GTSE1: variants seen among roughly 807,000 people sequenced by gnomAD.
The protein encoded by GTSE1 is G2 and S phase-expressed protein 1.
In GTSE1, 52 loss-of-function variants were observed where a neutral mutation model predicts 60.5. That is an observed-to-expected ratio of 0.86 (90% CI 0.69 to 1.08). The LOEUF (loss-of-function observed/expected upper bound fraction) is 1.08. GTSE1 is among the 50% of genes least tolerant of loss of function. The pLI is 0.00. For synonymous variants in GTSE1, 368 were observed against 386.5 expected (o/e 0.95, Z 0.56); for missense variants, 937 against 961.8 (o/e 0.97, Z 0.34).
intron 8 of GTSE1, among the ~76,000 whole-genome samples, chr22:46,323,756 C>T (rs1328424190): frequency 1.3e-5 from 2 of 152,082 alleles, no homozygotes; most frequent in Non-Finnish European, 2.9e-5. Flanking sequence ...GGCACGATCT[C>T]GGCTCACTGC....
chr22:46,301,919 G>A (rs542119310), intron 2 of GTSE1, among the ~76,000 whole-genome samples: 3 of 152,152 alleles, frequency 2.0e-5, no homozygotes, highest in East Asian at 1.9e-4. Context: ...ACCTGAGATC[G>A]GGAGTTCCAG....
chr22:46,298,381 C>T (rs1241200811), intron 2 of GTSE1, among the ~76,000 whole-genome samples: 1 of 151,776 alleles, frequency 6.6e-6, no homozygotes, highest in Non-Finnish European at 1.5e-5. Flanking sequence ...GATCTTGGCT[C>T]ACTGCAACCT....
intron 7 of GTSE1, among the ~76,000 whole-genome samples, chr22:46,322,484 C>G (rs930641813): frequency 6.6e-6 from 1 of 152,154 alleles, no homozygotes; most frequent in African/African-American, 2.4e-5. Context: ...TGCTGATACT[C>G]AAGTGCACAC....
chr22:46,298,991 A>T (rs2077674035), intron 2 of GTSE1, among the ~76,000 whole-genome samples: 1 of 152,100 alleles, frequency 6.6e-6, no homozygotes, highest in Admixed American at 6.5e-5. Context: ...TCCGCCTCTC[A>T]ATCCCTCCCA....
At chr22:46,301,659 T>C (rs1181436903) in intron 2 of GTSE1, among the ~76,000 whole-genome samples, 26 of 151,914 alleles carry the variant, frequency 1.7e-4, no homozygotes, top group Admixed American at 1.7e-3. Context: ...GGCTAATTTT[T>C]TGTATTTTTA....
chr22:46,323,401 C>G (rs2077825593), intron 8 of GTSE1, 139 bp downstream of exon 8: 1 of 715,500 alleles, frequency 1.4e-6, no homozygotes, highest in Non-Finnish European at 2.5e-6. Context: ...AGGCCGAGCT[C>G]CTGATGTGTA....
chr22:46,308,817 G>T lies in GTSE1; in HGVS notation c.636G>T (p.Leu212Phe). ...GGCCTCCGCACTCTGCTCATGCTTTGCCCAGGGAATCATGCACTGCTCATG... is the reference window on the plus strand; with the variant it reads ...GGCCTCCGCACTCTGCTCATGCTTTTCCCAGGGAATCATGCACTGCTCATG... ...APGPPHSAHA[L>F]PRESCTAHAA... The change falls in exon 4 of 12, where the codon TTG becomes TTT. Residue 212 changes from leucine to phenylalanine, a missense_variant. By Grantham distance (22) the Leu-to-Phe change is conservative (BLOSUM62 0). Transcript: ENST00000454366. The T allele has an allele frequency of 1.2e-6, 2 of 1,613,302 alleles. No individual in the cohort carries two copies. Among genetic ancestry groups the T allele is most frequent in the Non-Finnish European group, 1.7e-6 (2 of 1,180,040 alleles).
chr22:46,315,323 C>T (rs754205195), intron 6 of GTSE1, among the ~76,000 whole-genome samples: 19 of 152,082 alleles, frequency 1.2e-4, no homozygotes, highest in Non-Finnish European at 7.4e-5. Flanking sequence ...TCCCAAAGTG[C>T]TAGGATTACA....
rs993775080 is a variant in GTSE1 at position 46,329,142 on chromosome 22, T to A, written c.1927-216T>A. On this transcript the variant is annotated intron_variant, in intron 10 of 11. Coordinates refer to ENST00000454366, the MANE Select transcript of GTSE1 (RefSeq NM_016426.7). This position sits in a 1 kb window ranked among gnomAD's most constrained non-coding sequence, Gnocchi z 6.4. ...AAGCGGGAAGCAGGGTGGCAGGAGCTGGTGGCTGCTGGTGAGCGGGTATGG... is the reference window on the plus strand; with the variant it reads ...AAGCGGGAAGCAGGGTGGCAGGAGCAGGTGGCTGCTGGTGAGCGGGTATGG... 4.8e-6 allele frequency: 3 copies of A among 628,962 alleles called. No homozygotes were observed. The African/African-American group carries it at 5.5e-5, about 12-fold the overall frequency. 39.0% of individuals were successfully genotyped at this position (628,962 alleles called of 1,614,324 possible). A position where few individuals can be genotyped will look rare whatever the true frequency, so the allele number is the denominator to read the frequency against.
chr22:46,308,901 G>T lies in GTSE1; in HGVS notation c.720G>T (p.Ala240=), dbSNP rs548602439. ...KPGTKLLLPR[A]ASVRGRSIPG... ...GGACCAAATTGCTGCTGCCTCGAGC[G>T]GCCTCTGTTAGAGGAAGAAGCATCC... Residue 240 remains alanine, a synonymous_variant, in exon 4 of 12, where the codon GCG becomes GCT. Transcript: ENST00000454366. 1 of 1,613,040 alleles carries T rather than the reference G, an allele frequency of 6.2e-7. No homozygotes were observed. The highest frequency in any genetic ancestry group is 8.5e-7 in the Non-Finnish European group (1 of 1,179,964).
rs1290605349 is a variant in GTSE1 at position 46,318,637 on chromosome 22, G to A, written c.1432+2225G>A. Among the ~76,000 whole-genome samples the A allele has an allele frequency of 6.6e-6, 1 of 152,114 alleles. No homozygotes were observed. Among genetic ancestry groups the A allele is most frequent in the Non-Finnish European group, 1.5e-5 (1 of 68,036 alleles). The stretch of plus-strand genomic sequence containing the variant: ...CTGAGATCTGAACCAGGAGACTGAG[G>A]CAGCCGGTAGGAAAGTGCAAGGGGG... On this transcript the variant is annotated intron_variant, in intron 7 of 11. Transcript: ENST00000454366. The surrounding 1 kb of genome is among the most constrained non-coding windows in gnomAD (Gnocchi z 4.8).
At chr22:46,300,930 G>A (rs1480507237) in intron 2 of GTSE1, among the ~76,000 whole-genome samples, 1 of 152,160 alleles carries the variant, frequency 6.6e-6, no homozygotes, top group Non-Finnish European at 1.5e-5. Context: ...CAGTCTCTTG[G>A]GTATCCTTCC....
At position 46,320,783 on chromosome 22, in the gene GTSE1, TG is replaced by T. The variant is rs1418573348; in HGVS notation, c.1433-2405del. Among the ~76,000 whole-genome samples the T allele has an allele frequency of 2.0e-5, 3 of 152,082 alleles. No individual in the cohort carries two copies. Among genetic ancestry groups the T allele is most frequent in the Non-Finnish European group, 2.9e-5 (2 of 68,008 alleles). ...GCCTCCCCGGTACTGGGAGCTGCAG[TG>T]GAGACGCGCCGTCCAGGTTTAGGGA... On this transcript the variant is annotated intron_variant, in intron 7 of 11. Coordinates refer to ENST00000454366, the MANE Select transcript of GTSE1 (RefSeq NM_016426.7). This position sits in a 1 kb window ranked among gnomAD's most constrained non-coding sequence, Gnocchi z 7.1.
At chr22:46,306,875 A>G (rs1171669268) in intron 2 of GTSE1, among the ~76,000 whole-genome samples, 1 of 152,210 alleles carries the variant, frequency 6.6e-6, no homozygotes, top group African/African-American at 2.4e-5. Context: ...GTGCATTTTG[A>G]TAAATATTTG....
In GTSE1 at chr22:46,308,631, A is replaced by G. The variant is rs527323907; in HGVS notation, c.450A>G (p.Lys150=). The change falls in exon 4 of 12, where the codon AAA becomes AAG. Residue 150 remains lysine, a synonymous_variant. Coordinates refer to ENST00000454366, the MANE Select transcript of GTSE1 (RefSeq NM_016426.7). ...ESKLKINLFE[K]EKEMKKSPTS... ...AATTAAAAATAAACCTCTTTGAGAA[A>G]GAAAAGGAAATGAAGAAAAGCCCCA... 18 of 1,614,070 alleles carry G rather than the reference A, an allele frequency of 1.1e-5. No individual in the cohort carries two copies. The East Asian group carries it at 3.1e-4, about 28-fold the overall frequency.
In GTSE1 at chr22:46,320,600, C is replaced by T. The variant is rs1395058152; in HGVS notation, c.1433-2590C>T. Reference sequence around the variant, plus strand: ...CAGCGTGGGACCACATGAACGGTGCCCTGTAGTGGAGGCTTTCATATGTGC... The same window carrying T: ...CAGCGTGGGACCACATGAACGGTGCTCTGTAGTGGAGGCTTTCATATGTGC... On this transcript the variant is annotated intron_variant, in intron 7 of 11. Transcript: ENST00000454366. The surrounding 1 kb of genome is among the most constrained non-coding windows in gnomAD (Gnocchi z 7.1). Among the ~76,000 whole-genome samples the T allele has an allele frequency of 6.6e-6, 1 of 152,190 alleles. No individual in the cohort carries two copies. The highest frequency in any genetic ancestry group is 1.5e-5 in the Non-Finnish European group (1 of 68,046).
In GTSE1 at chr22:46,321,812, C is replaced by T. The variant is rs1036103359; in HGVS notation, c.1433-1378C>T. On this transcript the variant is annotated intron_variant, in intron 7 of 11. Transcript: ENST00000454366. The surrounding 1 kb of genome is among the most constrained non-coding windows in gnomAD (Gnocchi z 4.0). Reference sequence around the variant, plus strand: ...TAGGAGAGGCTGGGGCAGTGGCTCACGCCTGTAATCCCAGCACTTTGGGAG... The same window carrying T: ...TAGGAGAGGCTGGGGCAGTGGCTCATGCCTGTAATCCCAGCACTTTGGGAG... Among the ~76,000 whole-genome samples, 2 of 152,132 alleles carry T rather than the reference C, an allele frequency of 1.3e-5. No homozygotes were observed. The highest frequency in any genetic ancestry group is 2.4e-5 in the African/African-American group (1 of 41,418).
rs1178765632 is a variant in GTSE1 at position 46,321,940 on chromosome 22, G to C, written c.1433-1250G>C. 6.6e-6 allele frequency among the ~76,000 whole-genome samples: 1 copy of C among 152,052 alleles called. No homozygotes were observed. On this transcript the variant is annotated intron_variant, in intron 7 of 11. Transcript: ENST00000454366. This position sits in a 1 kb window ranked among gnomAD's most constrained non-coding sequence, Gnocchi z 4.0. Reference sequence around the variant, plus strand: ...AATACAAAAATTATCCGGGCGTGGTGGCGGGCACCTATAATTCCAGCTACT... The same window carrying C: ...AATACAAAAATTATCCGGGCGTGGTCGCGGGCACCTATAATTCCAGCTACT...
chr22:46,303,544 C>G (rs1011326205), intron 2 of GTSE1, among the ~76,000 whole-genome samples: 13 of 152,122 alleles, frequency 8.5e-5, no homozygotes, highest in African/African-American at 3.1e-4. Context: ...GACTGTGTTG[C>G]TTTATGTGTC....
Sources: allele counts gnomAD v4.1 joint callset (sites outside exome capture counted in the v4.1 genomes callset), GRCh38; gene constraint gnomAD v4.1.1; non-coding constraint Gnocchi (gnomAD v3.1); transcripts MANE v1.5; gene names NCBI Gene and HGNC (gene_info 2026-07-23, HGNC 2026-07-21).